The following TLN2 variants were observed in gnomAD, a reference collection of about 807,000 sequenced individuals.
The protein encoded by TLN2 is talin 2, also known as talin-2.
TLN2 carries 118 observed loss-of-function variants against 294.7 expected under a neutral mutation model. The observed-to-expected ratio is 0.40, with a 90% confidence interval of 0.34 to 0.47. The LOEUF (loss-of-function observed/expected upper bound fraction) is 0.47. TLN2 is among the 20% of genes least tolerant of loss of function. TLN2 has a pLI of 0.84. For synonymous variants in TLN2, 1,431 were observed against 1,304.5 expected (o/e 1.10, Z -2.09); for missense variants, 3,083 against 3,282.2 (o/e 0.94, Z 1.48).
At chr15:62,564,275 CAG>C (rs778386387) in intron 1 of TLN2, among the ~76,000 whole-genome samples, 1 of 152,194 alleles carries the variant, frequency 6.6e-6, no homozygotes. Flanking sequence ...CCAAGCAAGA[CAG>C]AGTCCTGGAG....
chr15:62,670,690 C>A (rs527833795), intron 9 of TLN2, among the ~76,000 whole-genome samples: 13 of 152,220 alleles, frequency 8.5e-5, no homozygotes, highest in South Asian at 6.2e-4. Flanking sequence ...ATGGAGAAAC[C>A]ACATTTTATC....
rs1307809234 is a variant in TLN2, at chr15:62,696,103, C to T, written c.1293-1585C>T. On this transcript the variant is annotated intron_variant, in intron 14 of 58. Coordinates refer to ENST00000636159, the MANE Select transcript of TLN2 (RefSeq NM_015059.3). ...TTCTTACTGGAGCCTCCAGACCAAC[C>T]TTCCCTGGTGTCTCACCACCCCACC... Among the ~76,000 whole-genome samples the T allele has an allele frequency of 3.9e-5, 6 of 152,352 alleles. No homozygotes were observed. The East Asian group carries it at 9.7e-4, about 25-fold the overall frequency.
intron 3 of TLN2, among the ~76,000 whole-genome samples, chr15:62,623,227 C>A (rs1043709898): frequency 1.3e-5 from 2 of 152,170 alleles, no homozygotes; most frequent in African/African-American, 4.8e-5. Flanking sequence ...CATCCTAAAC[C>A]AAGTGTGTGT....
rs368864120 is a variant in TLN2, at chr15:62,744,891, G to A, written c.4026-3460G>A. Among the ~76,000 whole-genome samples, 3 of 151,126 alleles carry A rather than the reference G, an allele frequency of 2.0e-5. No homozygotes were observed. In the East Asian group the frequency reaches 5.8e-4, roughly 29 times the overall value. On this transcript the variant is annotated intron_variant, in intron 32 of 58. Coordinates refer to ENST00000636159, the MANE Select transcript of TLN2 (RefSeq NM_015059.3). ...GTGCCTTGACATAACAGGACCCTGG[G>A]AATACAGAAAGGTCAATTTCGATTT...
chr15:62,764,538 G>T (rs957923115), intron 40 of TLN2, among the ~76,000 whole-genome samples: 2 of 152,110 alleles, frequency 1.3e-5, no homozygotes, highest in African/African-American at 4.8e-5. Context: ...AACTGTGTGG[G>T]ATGCCAGAAT....
intron 9 of TLN2, among the ~76,000 whole-genome samples, chr15:62,672,783 G>C (rs978314622): frequency 6.6e-6 from 1 of 152,022 alleles, no homozygotes; most frequent in African/African-American, 2.4e-5. Context: ...CCGGGGTTGG[G>C]GGGTGGTGTC....
rs142598773 is a variant in TLN2, at chr15:62,699,777, T to A, written c.1587+910T>A. Among the ~76,000 whole-genome samples, 16 of 152,340 alleles carry A rather than the reference T, an allele frequency of 1.1e-4. No individual in the cohort carries two copies. In the East Asian group the frequency reaches 3.1e-3, roughly 29 times the overall value. On this transcript the variant is annotated intron_variant, in intron 16 of 58. Transcript: ENST00000636159. The stretch of plus-strand genomic sequence containing the variant: ...GTCATTCTCAACCCTGCTTTGTACG[T>A]TAGAATCATCCTAGGAACTTTAAAA...
intron 31 of TLN2, chr15:62,740,297 C>T: frequency 4.7e-6 from 1 of 211,942 alleles, no homozygotes; most frequent in Non-Finnish European, 9.4e-6. Context: ...GGAATCGCTG[C>T]CTGGTCTGTG....
chr15:62,624,630 C>CTTCT (rs10656198), intron 3 of TLN2, among the ~76,000 whole-genome samples: 145,354 of 152,194 alleles, frequency 0.96, 69,451 homozygotes, highest in Admixed American at 0.98. Context: ...TTTTCCTCTG[C>CTTCT]TTGTCAGGTT....
intron 16 of TLN2, among the ~76,000 whole-genome samples, chr15:62,700,317 C>T (rs972552380): frequency 1.1e-4 from 17 of 152,264 alleles, no homozygotes; most frequent in African/African-American, 3.9e-4. Flanking sequence ...AGCAGATGAG[C>T]ACCTTACTGC....
chr15:62,735,877 G>T (rs771024936), intron 28 of TLN2, among the ~76,000 whole-genome samples: 8 of 152,280 alleles, frequency 5.3e-5, no homozygotes, highest in Non-Finnish European at 8.8e-5. Flanking sequence ...TGGCATATTT[G>T]TATAGTGGAA....
chr15:62,796,156 C>CGGGAACAAAGGAACCCAGGCATGCATTA lies in TLN2; in HGVS notation c.5914_5941dup (p.Thr1981ArgfsTer40). 2 of 1,614,224 alleles carry CGGGAACAAAGGAACCCAGGCATGCATTA rather than the reference C, an allele frequency of 1.2e-6. No homozygotes were observed. Among genetic ancestry groups the CGGGAACAAAGGAACCCAGGCATGCATTA allele is most frequent in the Non-Finnish European group, 1.7e-6 (2 of 1,180,034 alleles). ...CCTTGGTGCTCTCGGCTCTCCAGGC[C>CGGGAACAAAGGAACCCAGGCATGCATTA]GGGAACAAAGGAACCCAGGCATGCA... is the stretch of plus-strand genomic sequence containing the variant. On this transcript the variant is annotated frameshift_variant, in exon 47 of 59. Transcript: ENST00000636159. LOFTEE classifies it high-confidence loss of function.
intron 1 of TLN2, among the ~76,000 whole-genome samples, chr15:62,452,873 C>G (rs1318352953): frequency 6.6e-6 from 1 of 151,932 alleles, no homozygotes; most frequent in African/African-American, 2.4e-5. Context: ...GTAGAATGGA[C>G]TGGCAGCTGG....
chr15:62,747,573 G>A (rs992294429), intron 32 of TLN2, among the ~76,000 whole-genome samples: 7 of 152,074 alleles, frequency 4.6e-5, no homozygotes, highest in Non-Finnish European at 8.8e-5. Flanking sequence ...CTGATGAAGG[G>A]TCTTAAATAG....
intron 50 of TLN2, among the ~76,000 whole-genome samples, chr15:62,801,725 G>C (rs1271003712): frequency 6.6e-6 from 1 of 152,220 alleles, no homozygotes; most frequent in Non-Finnish European, 1.5e-5. Context: ...AGCTGGTGGT[G>C]CCTTAAGTAC....
At chr15:62,475,931 C>A (rs147361222) in intron 1 of TLN2, among the ~76,000 whole-genome samples, 1 of 152,216 alleles carries the variant, frequency 6.6e-6, no homozygotes, top group Non-Finnish European at 1.5e-5. Flanking sequence ...AGACTTGATT[C>A]TGCAATTCTA....
chr15:62,431,205 C>G (rs1318278214), intron 1 of TLN2, among the ~76,000 whole-genome samples: 1 of 152,128 alleles, frequency 6.6e-6, no homozygotes, highest in Non-Finnish European at 1.5e-5. Context: ...TGGTCACAAG[C>G]CTGCTGGAGC....
At chr15:62,715,499 G>A (rs1262269133) in intron 22 of TLN2, among the ~76,000 whole-genome samples, 2 of 152,200 alleles carry the variant, frequency 1.3e-5, no homozygotes, top group Admixed American at 1.3e-4. Context: ...AATTATTATA[G>A]AGTTAAAATT....
intron 1 of TLN2, among the ~76,000 whole-genome samples, chr15:62,488,653 C>T (rs2038539553): frequency 6.6e-6 from 1 of 152,156 alleles, no homozygotes; most frequent in African/African-American, 2.4e-5. Context: ...TCTGATGAAA[C>T]ATAAACGGAA....
Sources: gnomAD v4.1 joint callset for allele counts (sites outside exome capture counted in the v4.1 genomes callset) on GRCh38, gnomAD v4.1.1 for gene constraint, MANE v1.5 for transcripts, NCBI Gene and HGNC (gene_info 2026-07-23, HGNC 2026-07-21) for gene names.